The following PRSS23 variants were observed in gnomAD, a reference collection of about 807,000 sequenced individuals.
PRSS23 encodes the protein serine protease 23.
A neutral mutation model predicts 34.7 loss-of-function variants in PRSS23; 25 were observed. The observed-to-expected ratio is 0.72, with a 90% confidence interval of 0.53 to 1.01. The LOEUF is 1.01. PRSS23 is among the 50% of genes least tolerant of loss of function. The pLI, the probability that PRSS23 is intolerant of heterozygous loss-of-function variation, is 0.00. For synonymous variants in PRSS23, 176 were observed against 186.6 expected (o/e 0.94, Z 0.46); for missense variants, 445 against 475.6 (o/e 0.94, Z 0.60).
intron 2 of PRSS23, among the ~76,000 whole-genome samples, chr11:86,895,832 T>C (rs1948871606): frequency 6.6e-6 from 1 of 152,194 alleles, no homozygotes; most frequent in African/African-American, 2.4e-5. Context: ...GCCACAGCTA[T>C]AATTAGCAGA....
At chr11:86,890,082 A>C (rs929727087) in intron 2 of PRSS23, among the ~76,000 whole-genome samples, 2 of 151,994 alleles carry the variant, frequency 1.3e-5, no homozygotes, top group Non-Finnish European at 1.5e-5. Context: ...AGCCTGGCCA[A>C]CATGGTGAAA....
chr11:86,857,614 G>C (rs1241952694), intron 2 of PRSS23: 12 of 517,880 alleles, frequency 2.3e-5, no homozygotes, highest in Non-Finnish European at 4.7e-5. Context: ...TGACTCGGTA[G>C]TGCAGGGGGT....
intron 2 of PRSS23, among the ~76,000 whole-genome samples, chr11:86,929,695 A>C (rs1288660749): frequency 6.6e-6 from 1 of 152,232 alleles, no homozygotes; most frequent in Non-Finnish European, 1.5e-5. Context: ...TTTCCAGGAA[A>C]TTATGCTTCA....
At chr11:86,894,899 T>G (rs1332312998) in intron 2 of PRSS23, among the ~76,000 whole-genome samples, 1 of 152,212 alleles carries the variant, frequency 6.6e-6, no homozygotes, top group Non-Finnish European at 1.5e-5. Context: ...TAGCTTCTAG[T>G]ACACTGCCCT....
At chr11:86,884,891 T>C (rs1489024422) in intron 2 of PRSS23, among the ~76,000 whole-genome samples, 6 of 152,218 alleles carry the variant, frequency 3.9e-5, no homozygotes. Context: ...AATTGACATC[T>C]TTCATGTCAG....
chr11:86,814,630 T>C (rs530538970), downstream of PRSS23, among the ~76,000 whole-genome samples: 51 of 152,300 alleles, frequency 3.3e-4, no homozygotes, highest in African/African-American at 1.2e-3. Context: ...GCTGTTTTCA[T>C]GACAAGCAGA....
At chr11:86,873,795 A>G (rs1355586190) in intron 2 of PRSS23, among the ~76,000 whole-genome samples, 1 of 152,194 alleles carries the variant, frequency 6.6e-6, no homozygotes, top group Non-Finnish European at 1.5e-5. Context: ...GTAGAGCAAG[A>G]GAATGAACGG....
chr11:86,899,717 C>T (rs932999251), intron 2 of PRSS23, among the ~76,000 whole-genome samples: 1 of 151,806 alleles, frequency 6.6e-6, no homozygotes, highest in African/African-American at 2.4e-5. Flanking sequence ...AGGGTTTCAC[C>T]ATGTTAGCCA....
At chr11:86,858,527 A>C (rs1280172010) in intron 2 of PRSS23, among the ~76,000 whole-genome samples, 1 of 151,886 alleles carries the variant, frequency 6.6e-6, no homozygotes, top group South Asian at 2.1e-4. Context: ...CCTAATATCC[A>C]AGGGAAGAGA....
intron 2 of PRSS23, among the ~76,000 whole-genome samples, chr11:86,842,102 C>A (rs778603372): frequency 2.8e-4 from 42 of 152,142 alleles, no homozygotes; most frequent in Non-Finnish European, 5.7e-4. Flanking sequence ...GTCAGCTTCA[C>A]CCCTGGGATG....
chr11:86,872,493 G>C lies in PRSS23; in HGVS notation c.206+48900G>C, dbSNP rs1018643979. Among the ~76,000 whole-genome samples, 4 of 152,012 alleles carry C rather than the reference G, an allele frequency of 2.6e-5. No individual in the cohort carries two copies. In the East Asian group the frequency reaches 5.8e-4, roughly 22 times the overall value. On this transcript the variant is annotated intron_variant, in intron 2 of 2. Transcript: ENST00000533902. The stretch of plus-strand genomic sequence containing the variant: ...ACTCTGCCCATTCCTCCACCCTCAG[G>C]TCAGACTGTTAAGGTCATTTGAGTG...
upstream of PRSS23, among the ~76,000 whole-genome samples, chr11:86,798,358 A>C (rs1029387359): frequency 1.3e-5 from 2 of 152,224 alleles, no homozygotes; most frequent in Non-Finnish European, 1.5e-5. Flanking sequence ...TGCTAATAAG[A>C]GAGAAACAGC....
chr11:86,886,651 A>T (rs1288534348), intron 2 of PRSS23, among the ~76,000 whole-genome samples: 1 of 152,218 alleles, frequency 6.6e-6, no homozygotes, highest in Non-Finnish European at 1.5e-5. Flanking sequence ...CATAAAGTGG[A>T]CTTGCAGCCA....
intron 2 of PRSS23, chr11:86,935,564 T>C (rs1409201677): frequency 6.6e-6 from 1 of 152,248 alleles, no homozygotes; most frequent in African/African-American, 2.4e-5. Flanking sequence ...CAAATCATTG[T>C]TGCATTGTTG....
At chr11:86,886,079 A>G (rs1487284291) in intron 2 of PRSS23, among the ~76,000 whole-genome samples, 1 of 152,188 alleles carries the variant, frequency 6.6e-6, no homozygotes, top group Non-Finnish European at 1.5e-5. Flanking sequence ...AATTTGTGCA[A>G]CAGACCAGCC....
chr11:86,923,339 G>A (rs980741805), intron 2 of PRSS23, among the ~76,000 whole-genome samples: 16 of 151,936 alleles, frequency 1.1e-4, no homozygotes, highest in African/African-American at 3.6e-4. Flanking sequence ...GTTGCCTAGG[G>A]TGGTCTCGAA....
At chr11:86,802,956 G>C (rs992295560) in intron 1 of PRSS23, among the ~76,000 whole-genome samples, 24 of 152,196 alleles carry the variant, frequency 1.6e-4, no homozygotes, top group African/African-American at 4.8e-4. Context: ...GAGTGATGGA[G>C]GGTGGACTGT....
chr11:86,851,958 C>A (rs1304300548), intron 2 of PRSS23, among the ~76,000 whole-genome samples: 1 of 152,196 alleles, frequency 6.6e-6, no homozygotes, highest in Non-Finnish European at 1.5e-5. Context: ...ACCCCCACCA[C>A]AACCAAGAAC....
intron 2 of PRSS23, among the ~76,000 whole-genome samples, chr11:86,917,182 G>A (rs1316410571): frequency 2.0e-5 from 3 of 152,276 alleles, no homozygotes; most frequent in Non-Finnish European, 4.4e-5. Context: ...ACCCAGGCGT[G>A]GTGGCACAAG....
Sources: allele counts gnomAD v4.1 joint callset (sites outside exome capture counted in the v4.1 genomes callset), GRCh38; gene constraint gnomAD v4.1.1; transcripts MANE v1.5; gene names NCBI Gene and HGNC (gene_info 2026-07-23, HGNC 2026-07-21).